The following TSHZ3 variants were observed in gnomAD, a reference collection of about 807,000 sequenced individuals.
The protein encoded by TSHZ3 is teashirt homolog 3.
Under a neutral mutation model 64.5 loss-of-function variants are expected in TSHZ3, and 10 were observed. That is an observed-to-expected ratio of 0.16 (90% CI 0.10 to 0.26). The LOEUF (loss-of-function observed/expected upper bound fraction) is 0.26, where lower values mean the gene tolerates loss of function less well. Among genes scored for constraint, TSHZ3 ranks in the 10% least tolerant of loss-of-function variants. The pLI is 1.00. For synonymous variants in TSHZ3, 608 were observed against 593.1 expected (o/e 1.03, Z -0.36); for missense variants, 1,242 against 1,421.7 (o/e 0.87, Z 2.03).
intron 5 of TSHZ3, among the ~76,000 whole-genome samples, chr19:31,177,417 A>G (rs578039680): frequency 3.3e-5 from 5 of 152,228 alleles, no homozygotes; most frequent in African/African-American, 7.2e-5. Context: ...TGTAATCTCC[A>G]TCCCTTGCCT....
intron 5 of TSHZ3, among the ~76,000 whole-genome samples, chr19:31,161,078 C>G (rs530916247): frequency 2.6e-5 from 4 of 152,066 alleles, no homozygotes; most frequent in Non-Finnish European, 5.9e-5. Context: ...TATATCTTTG[C>G]GTGCGTGTGT....
rs533239900 is a variant in TSHZ3 at position 31,172,784 on chromosome 19, G to C, written n.810-16367C>G. 8.5e-5 allele frequency among the ~76,000 whole-genome samples: 13 copies of C among 152,340 alleles called. No homozygotes were observed. In the South Asian group the frequency reaches 2.5e-3, roughly 29 times the overall value. On this transcript the variant is annotated intron_variant and non_coding_transcript_variant, in intron 5 of 6. Transcript: ENST00000651361. ...TGAACAAGATCAGGCTCATTGAGGAGAGGTTGAGCAAGGATTTTAAAATGG... is the reference window on the plus strand; with the variant it reads ...TGAACAAGATCAGGCTCATTGAGGACAGGTTGAGCAAGGATTTTAAAATGG...
intron 1 of TSHZ3, among the ~76,000 whole-genome samples, chr19:31,280,135 T>C (rs1225218426): frequency 6.6e-6 from 1 of 152,198 alleles, no homozygotes; most frequent in Non-Finnish European, 1.5e-5. Context: ...GTCTGTCAAT[T>C]AATATGTCTT....
At chr19:31,221,119 G>A (rs1416931974) in intron 4 of TSHZ3, among the ~76,000 whole-genome samples, 1 of 152,212 alleles carries the variant, frequency 6.6e-6, no homozygotes, top group Admixed American at 6.5e-5. Context: ...TACTATGCCA[G>A]ACACAGGGGA....
At position 31,349,174 on chromosome 19, in the gene TSHZ3, T is replaced by C. The variant is rs188105336; in HGVS notation, c.40+6A>G. 552 of 1,541,492 alleles carry C rather than the reference T, an allele frequency of 3.6e-4. 1 individual carries two copies. The highest frequency in any genetic ancestry group is 6.9e-4 in the Admixed American group (35 of 50,560). On this transcript the variant is annotated splice_donor_region_variant and intron_variant, in intron 1 of 1. Coordinates refer to ENST00000240587, the MANE Select transcript of TSHZ3 (RefSeq NM_020856.4). Reference sequence around the variant, plus strand: ...GAGAGCAGAAGGAAGGGGAAGCGGCTCGTACCTGCTGCGCGCCGGGGCGCC... The same window carrying C: ...GAGAGCAGAAGGAAGGGGAAGCGGCCCGTACCTGCTGCGCGCCGGGGCGCC...
chr19:31,239,514 C>T (rs1373893901), intron 3 of TSHZ3, among the ~76,000 whole-genome samples: 1 of 152,142 alleles, frequency 6.6e-6, no homozygotes, highest in Non-Finnish European at 1.5e-5. Context: ...ATTTCATTCT[C>T]ACTTTCAGAA....
intron 3 of TSHZ3, among the ~76,000 whole-genome samples, chr19:31,232,999 A>C (rs1009460560): frequency 6.6e-6 from 1 of 152,206 alleles, no homozygotes; most frequent in African/African-American, 2.4e-5. Context: ...CCAGACTTAA[A>C]ACTATTATGA....
Position 31,217,141 on chromosome 19 carries a change from A to G in TSHZ3, n.686+10864T>C, listed in dbSNP as rs373418452. Among the ~76,000 whole-genome samples, 9 of 152,316 alleles carry G rather than the reference A, an allele frequency of 5.9e-5. No individual in the cohort carries two copies. The East Asian group carries it at 1.5e-3, about 26-fold the overall frequency. On this transcript the variant is annotated intron_variant and non_coding_transcript_variant, in intron 4 of 6. Coordinates refer to the TSHZ3 transcript ENST00000651361. ...ATGGAGACATGAAGGACTATGACAC[A>G]TCCAACCTGTGAAAATCTCTGTGTG... is the stretch of plus-strand genomic sequence containing the variant.
At chr19:31,197,469 AT>A (rs755250189) in intron 5 of TSHZ3, among the ~76,000 whole-genome samples, 2 of 151,730 alleles carry the variant, frequency 1.3e-5, no homozygotes, top group Non-Finnish European at 2.9e-5. Flanking sequence ...TAGAAGAGAA[AT>A]CAATGAAATT....
chr19:31,174,591 T>C (rs936887817), intron 5 of TSHZ3, among the ~76,000 whole-genome samples: 3 of 152,246 alleles, frequency 2.0e-5, no homozygotes, highest in Non-Finnish European at 4.4e-5. Flanking sequence ...TTTGTGACTT[T>C]ATCTTAGTTA....
intron 4 of TSHZ3, among the ~76,000 whole-genome samples, chr19:31,219,739 C>T (rs890988471): frequency 6.6e-6 from 1 of 150,388 alleles, no homozygotes; most frequent in African/African-American, 2.4e-5. Flanking sequence ...GTTCTATTAG[C>T]TTATGAATCA....
intron 1 of TSHZ3, among the ~76,000 whole-genome samples, chr19:31,318,926 G>A (rs1273223274): frequency 2.0e-5 from 3 of 152,182 alleles, no homozygotes; most frequent in Non-Finnish European, 4.4e-5. Context: ...AGCAGCTCTG[G>A]TGCCTCCTCA....
At chr19:31,247,701 T>G (rs1975775379) in intron 1 of TSHZ3, among the ~76,000 whole-genome samples, 1 of 152,178 alleles carries the variant, frequency 6.6e-6, no homozygotes, top group African/African-American at 2.4e-5. Context: ...AACTTCCTGA[T>G]TTTTGTGTAT....
intron 1 of TSHZ3, among the ~76,000 whole-genome samples, chr19:31,317,982 T>C (rs964618116): frequency 2.0e-5 from 3 of 152,146 alleles, no homozygotes; most frequent in African/African-American, 7.2e-5. Flanking sequence ...AATTCAAAGA[T>C]TCAAAACAAT....
Position 31,279,702 on chromosome 19 carries a change from C to T in TSHZ3, c.91G>A (p.Asp31Asn). 1 of 1,539,252 alleles carries T rather than the reference C, an allele frequency of 6.5e-7. No individual in the cohort carries two copies. The highest frequency in any genetic ancestry group is 8.8e-7 in the Non-Finnish European group (1 of 1,142,672). ...CCATCTGCCGTATGCTCCTCTGGGTCTAAACCTTCGTCCACCAGGGCAGCA... is the reference window on the plus strand; with the variant it reads ...CCATCTGCCGTATGCTCCTCTGGGTTTAAACCTTCGTCCACCAGGGCAGCA... The part of the protein sequence containing the change: ...KAAALVDEGL[D>N]PEEHTADGEP... The change falls in exon 2 of 2, where the codon GAC becomes AAC. Residue 31 changes from aspartate to asparagine, a missense_variant. By Grantham distance (23) the Asp-to-Asn change is conservative (BLOSUM62 1). Transcript: ENST00000240587. The surrounding 1 kb of genome is among the most constrained non-coding windows in gnomAD (Gnocchi z 6.4).
At chr19:31,155,146 C>G (rs529566888) in intron 6 of TSHZ3, among the ~76,000 whole-genome samples, 55 of 152,342 alleles carry the variant, frequency 3.6e-4, no homozygotes, top group Non-Finnish European at 6.9e-4. Flanking sequence ...CCTGCACTGT[C>G]TCCATCAGCC....
chr19:31,299,489 G>A (rs770854731), intron 1 of TSHZ3, among the ~76,000 whole-genome samples: 3 of 152,160 alleles, frequency 2.0e-5, no homozygotes, highest in Non-Finnish European at 2.9e-5. Context: ...TTGATCAAGA[G>A]GGAAAGTCAT....
At chr19:31,283,994 C>A (rs951716478) in intron 1 of TSHZ3, among the ~76,000 whole-genome samples, 1 of 152,162 alleles carries the variant, frequency 6.6e-6, no homozygotes, top group African/African-American at 2.4e-5. Context: ...GGGTAGGCAC[C>A]GTCCACCGAT....
chr19:31,236,587 A>G (rs1975618555), intron 3 of TSHZ3, among the ~76,000 whole-genome samples: 2 of 152,166 alleles, frequency 1.3e-5, no homozygotes, highest in Admixed American at 1.3e-4. Flanking sequence ...TTCCCTTAGG[A>G]GTGTCCTTTC....
Sources: allele counts gnomAD v4.1 joint callset (sites outside exome capture counted in the v4.1 genomes callset), GRCh38; gene constraint gnomAD v4.1.1; non-coding constraint Gnocchi (gnomAD v3.1); transcripts MANE v1.5; gene names NCBI Gene and HGNC (gene_info 2026-07-23, HGNC 2026-07-21).